The following DNAI3 variants were observed in gnomAD, a reference collection of about 807,000 sequenced individuals.
The protein encoded by DNAI3 is dynein axonemal intermediate chain 3.
In DNAI3, 83 loss-of-function variants were observed where a neutral mutation model predicts 115.5. The ratio of observed to expected loss-of-function variants is 0.72; its 90% CI spans 0.60 to 0.86. The LOEUF (loss-of-function observed/expected upper bound fraction) is 0.86, where lower values mean the gene tolerates loss of function less well. DNAI3 is among the 40% of genes least tolerant of loss of function. The pLI, the probability that DNAI3 is intolerant of heterozygous loss-of-function variation, is 0.00. For missense variants in DNAI3, 1,004 were observed against 1,075.8 expected (o/e 0.93, Z 0.93); for synonymous variants, 320 against 347.0 (o/e 0.92, Z 0.86).
intron 13 of DNAI3, among the ~76,000 whole-genome samples, chr1:85,100,912 G>A (rs538357477): frequency 1.5e-4 from 22 of 146,212 alleles, no homozygotes; most frequent in African/African-American, 5.6e-4. Flanking sequence ...CCATAGGTGG[G>A]AATTGAACAA....
intron 16 of DNAI3, among the ~76,000 whole-genome samples, chr1:85,110,553 G>A (rs1259835861): frequency 6.6e-6 from 1 of 151,964 alleles, no homozygotes; most frequent in South Asian, 2.1e-4. Context: ...AGTCTAATTT[G>A]TAAAAAGAAT....
chr1:85,102,722 T>A (rs1410475612), intron 13 of DNAI3, among the ~76,000 whole-genome samples: 1 of 152,214 alleles, frequency 6.6e-6, no homozygotes, highest in Non-Finnish European at 1.5e-5. Flanking sequence ...GAATTCATAC[T>A]AAGAAATGAT....
chr1:85,072,396 C>G (rs529676935), intron 2 of DNAI3, among the ~76,000 whole-genome samples: 2 of 152,262 alleles, frequency 1.3e-5, no homozygotes, highest in Middle Eastern at 3.4e-3. Flanking sequence ...GTAATCCCAG[C>G]ACTTTGGGAG....
At chr1:85,118,694 G>T (rs1441881148) in intron 17 of DNAI3, among the ~76,000 whole-genome samples, 2 of 152,120 alleles carry the variant, frequency 1.3e-5, no homozygotes, top group Non-Finnish European at 2.9e-5. Flanking sequence ...GATCAGAAGT[G>T]AATAGCATGG....
chr1:85,109,606 C>A (rs2100598891), intron 15 of DNAI3, among the ~76,000 whole-genome samples: 1 of 152,300 alleles, frequency 6.6e-6, no homozygotes, highest in Non-Finnish European at 1.5e-5. Context: ...CCAGGGCCTT[C>A]TGGAACTCCA....
At chr1:85,098,087 A>C (rs1308038154) in intron 12 of DNAI3, among the ~76,000 whole-genome samples, 3 of 152,214 alleles carry the variant, frequency 2.0e-5, no homozygotes, top group Non-Finnish European at 4.4e-5. Context: ...ATATTTGATG[A>C]TAATATACCA....
chr1:85,075,318 A>G (rs1654414762), intron 3 of DNAI3, among the ~76,000 whole-genome samples: 1 of 152,218 alleles, frequency 6.6e-6, no homozygotes, highest in Non-Finnish European at 1.5e-5. Context: ...AACTAAATGA[A>G]TTGACTGGTA....
chr1:85,093,307 T>C (rs771065547), intron 8 of DNAI3, 151 bp from the exon 9 acceptor site: 4 of 789,008 alleles, frequency 5.1e-6, no homozygotes, highest in Non-Finnish European at 7.8e-6. Context: ...AGTCATTTAT[T>C]TCACATGAGG....
At chr1:85,116,094 C>T (rs768927273) in intron 16 of DNAI3, among the ~76,000 whole-genome samples, 7 of 152,236 alleles carry the variant, frequency 4.6e-5, no homozygotes, top group Non-Finnish European at 8.8e-5. Context: ...CTGCCATCTA[C>T]TCATGAATGT....
intron 6 of DNAI3, 35 bp from the exon 7 acceptor site, chr1:85,085,796 C>A: frequency 2.2e-6 from 2 of 924,418 alleles, no homozygotes; most frequent in Non-Finnish European, 3.2e-6. Context: ...TCAGGGACTT[C>A]ATTATGTTAC....
chr1:85,073,056 A>T lies in DNAI3; in HGVS notation c.67A>T (p.Ser23Cys). Reference sequence around the variant, plus strand: ...GACTTCCTTTTATTATATTCTAGCTAGTGAAGACATGGAACCAGTAAATAT... The same window carrying T: ...GACTTCCTTTTATTATATTCTAGCTTGTGAAGACATGGAACCAGTAAATAT... ...KKRLKPVLAA[S>C]EDMEPVNMES... is the part of the protein sequence containing the mutation. The change falls in exon 3 of 23, where the codon AGT becomes TGT. Residue 23 changes from serine (S) to cysteine (C), a missense_variant and splice_region_variant. Physicochemically the swap from Ser to Cys is moderately radical, Grantham distance 112. Coordinates refer to ENST00000294664, the MANE Select transcript of DNAI3 (RefSeq NM_145172.5). The T allele has an allele frequency of 6.5e-7, 1 of 1,542,746 alleles. No homozygotes were observed.
At chr1:85,096,213 C>A (rs749280548) in intron 11 of DNAI3, among the ~76,000 whole-genome samples, 193 bp downstream of exon 11, 3 of 152,086 alleles carry the variant, frequency 2.0e-5, no homozygotes, top group African/African-American at 4.8e-5. Context: ...GAGGTGTTCA[C>A]GGGGTAACCC....
chr1:85,084,890 G>A (rs766512487), intron 6 of DNAI3, among the ~76,000 whole-genome samples, 195 bp downstream of exon 6: 1 of 152,154 alleles, frequency 6.6e-6, no homozygotes, highest in Non-Finnish European at 1.5e-5. Context: ...CCAAAAAATG[G>A]TATGTTGAAC....
chr1:85,111,038 A>G (rs1655646552), intron 16 of DNAI3, among the ~76,000 whole-genome samples: 1 of 152,238 alleles, frequency 6.6e-6, no homozygotes, highest in African/African-American at 2.4e-5. Context: ...AGCAATGCAT[A>G]ATGAAAATGT....
At chr1:85,094,073 G>A (rs1359541829) in intron 9 of DNAI3, 1 of 398,868 alleles carries the variant, frequency 2.5e-6, no homozygotes, top group Non-Finnish European at 4.8e-6. Context: ...GATGTGCAAA[G>A]ATGGAAACAT....
intron 8 of DNAI3, among the ~76,000 whole-genome samples, chr1:85,091,607 C>T (rs1654978368): frequency 1.3e-5 from 2 of 152,142 alleles, no homozygotes; most frequent in African/African-American, 4.8e-5. Context: ...GAAGAAAGCC[C>T]TTTTAGAAAT....
At chr1:85,097,866 C>T (rs1655170234) in intron 12 of DNAI3, among the ~76,000 whole-genome samples, 1 of 152,112 alleles carries the variant, frequency 6.6e-6, no homozygotes, top group Non-Finnish European at 1.5e-5. Flanking sequence ...AATCAAGTTG[C>T]ACCATCTACC....
At chr1:85,078,505 T>G (rs757186493) in intron 3 of DNAI3, among the ~76,000 whole-genome samples, 1 of 152,176 alleles carries the variant, frequency 6.6e-6, no homozygotes, top group Non-Finnish European at 1.5e-5. Flanking sequence ...TGTTTTACAC[T>G]CCTTGGAGCA....
rs58178754 is a variant in DNAI3 at position 85,114,015 on chromosome 1, C to CTTTTT, written c.1787-3702_1787-3698dup. 7.8e-3 allele frequency among the ~76,000 whole-genome samples: 919 copies of CTTTTT among 117,596 alleles called. 38 individuals carry two copies. The highest frequency in any genetic ancestry group is 0.028 in the African/African-American group (883 of 31,158). The allele number at this position is 117,596 out of a possible 152,430, so 77.1% of individuals were successfully genotyped here. The stretch of plus-strand genomic sequence containing the variant: ...CAGTGTATAAAAATACAATTTGTAT[C>CTTTTT]TTTTTTTTTTTTTTTTGAGAAGGAG... On this transcript the variant is annotated intron_variant, in intron 16 of 22. Transcript: ENST00000294664.
Sources: allele counts gnomAD v4.1 joint callset (sites outside exome capture counted in the v4.1 genomes callset), GRCh38; gene constraint gnomAD v4.1.1; transcripts MANE v1.5; gene names NCBI Gene and HGNC (gene_info 2026-07-23, HGNC 2026-07-21).